The following PHF20 variants were observed in gnomAD, a reference collection of about 807,000 sequenced individuals.
The protein encoded by PHF20 is glioma-expressed antigen 2.
PHF20 carries 23 observed loss-of-function variants against 113.5 expected under a neutral mutation model. The ratio of observed to expected loss-of-function variants is 0.20; its 90% confidence interval spans 0.15 to 0.29. The LOEUF is 0.29. Among genes scored for constraint, PHF20 ranks in the 10% least tolerant of loss-of-function variants. The pLI is 1.00. For missense variants in PHF20, 943 were observed against 1,219.6 expected, an observed-to-expected ratio of 0.77 and a Z score of 3.38; for synonymous variants, 434 against 457.3, an observed-to-expected ratio of 0.95 and a Z score of 0.65.
intron 9 of PHF20, among the ~76,000 whole-genome samples, chr20:35,898,724 C>T (rs1437971217): frequency 6.6e-6 from 1 of 152,238 alleles, no homozygotes; most frequent in African/African-American, 2.4e-5. Flanking sequence ...AATTCTCCTG[C>T]CTCAGCCTCC....
chr20:35,874,400 C>T (rs1354847514), intron 9 of PHF20, among the ~76,000 whole-genome samples: 2 of 152,158 alleles, frequency 1.3e-5, no homozygotes, highest in African/African-American at 2.4e-5. Flanking sequence ...TTTATTTCTT[C>T]GAAGATTTCT....
intron 1 of PHF20, among the ~76,000 whole-genome samples, chr20:35,784,057 GTTT>G (rs1210870889): frequency 7.2e-6 from 1 of 139,672 alleles, no homozygotes. Context: ...TTGTTTGTGT[GTTT>G]TTTTTTTTTT....
chr20:35,948,478 A>G lies in PHF20; in HGVS notation c.*851A>G, dbSNP rs2056124322. 1 of 152,650 alleles carries G rather than the reference A, an allele frequency of 6.6e-6. No homozygotes were observed. Among genetic ancestry groups the G allele is most frequent in the Non-Finnish European group, 1.5e-5 (1 of 68,044 alleles). 9.5% of individuals were successfully genotyped at this position (152,650 alleles called of 1,614,324 possible). A position where few individuals can be genotyped will look rare whatever the true frequency, so the allele number is the denominator to read the frequency against. ...TCTTTCACTGTAAAGATTTGTTACA[A>G]AGAATGTGGTTTGGGGAATTACCTT... On this transcript the variant is annotated 3_prime_UTR_variant, in exon 18 of 18. Coordinates refer to ENST00000374012, the MANE Select transcript of PHF20 (RefSeq NM_016436.5).
intron 14 of PHF20, among the ~76,000 whole-genome samples, chr20:35,929,824 T>TG: frequency 6.6e-6 from 1 of 152,364 alleles, no homozygotes; most frequent in Middle Eastern, 3.4e-3. Flanking sequence ...TGCAGAGGGC[T>TG]GGACCAAAAG....
chr20:35,845,428 C>A, intron 3 of PHF20: 2 of 392,798 alleles, frequency 5.1e-6, no homozygotes, highest in South Asian at 1.8e-5. Context: ...TGCAGTGGTG[C>A]AGTCTTGGCT....
At chr20:35,802,878 G>T (rs1375825485) in intron 2 of PHF20, among the ~76,000 whole-genome samples, 2 of 149,494 alleles carry the variant, frequency 1.3e-5, no homozygotes, top group African/African-American at 5.0e-5. Context: ...GGTGGAGGTT[G>T]CAGTGAGCCG....
At chr20:35,931,765 A>G (rs1283714829) in intron 15 of PHF20, among the ~76,000 whole-genome samples, 1 of 152,038 alleles carries the variant, frequency 6.6e-6, no homozygotes, top group Non-Finnish European at 1.5e-5. Flanking sequence ...AGCCTGACCA[A>G]CATGGTGAAA....
intron 9 of PHF20, among the ~76,000 whole-genome samples, chr20:35,889,009 CT>C (rs566960589): frequency 0.017 from 1,686 of 99,080 alleles, no homozygotes; most frequent in Non-Finnish European, 0.028. Context: ...CTCTTAGTTT[CT>C]TTTTTTTTTT....
intron 2 of PHF20, among the ~76,000 whole-genome samples, chr20:35,823,619 C>T (rs1484485382): frequency 6.9e-5 from 8 of 116,658 alleles, no homozygotes; most frequent in African/African-American, 2.8e-4. Context: ...TGTGATAGAG[C>T]GAGACCCTGT....
intron 12 of PHF20, among the ~76,000 whole-genome samples, chr20:35,914,430 T>C (rs972626820): frequency 3.9e-5 from 6 of 152,180 alleles, no homozygotes; most frequent in African/African-American, 1.4e-4. Context: ...AATTGGAAAA[T>C]ATTGTTGTGT....
chr20:35,918,156 G>T (rs1203951087), intron 13 of PHF20, among the ~76,000 whole-genome samples: 1 of 152,022 alleles, frequency 6.6e-6, no homozygotes, highest in East Asian at 1.9e-4. Context: ...TGGTGGGTGG[G>T]ACCTCCTTAC....
In PHF20 at chr20:35,843,543, A is replaced by T. The variant is rs898673049; in HGVS notation, c.255+799A>T. 6.1e-5 allele frequency among the ~76,000 whole-genome samples: 9 copies of T among 148,752 alleles called. No individual in the cohort carries two copies. The East Asian group carries it at 1.8e-3, about 30-fold the overall frequency. On this transcript the variant is annotated intron_variant, in intron 3 of 17. Transcript: ENST00000374012. ...TCTCAAAAAAAAAAAAAAAAAAAAA[A>T]GTGATCATTCCATGTAGAACGTTGT...
At chr20:35,795,352 ACCCTCCTGAG>A (rs2041646432) in intron 1 of PHF20, among the ~76,000 whole-genome samples, 1 of 151,606 alleles carries the variant, frequency 6.6e-6, no homozygotes, top group Non-Finnish European at 1.5e-5. Context: ...CTTCTGCCTC[ACCCTCCTGAG>A]TAGCTGGGAT....
At position 35,919,119 on chromosome 20, in the gene PHF20, C is replaced by T. The variant is rs571001001; in HGVS notation, c.2004+1457C>T. Among the ~76,000 whole-genome samples the T allele has an allele frequency of 2.0e-5, 3 of 151,704 alleles. No homozygotes were observed. The South Asian group carries it at 6.2e-4, about 32-fold the overall frequency. ...CCACCCTCTGCCTCCCAGGTTCAAGCGATTCGCCTGCCTCCACTGCCCGAG... is the reference window on the plus strand; with the variant it reads ...CCACCCTCTGCCTCCCAGGTTCAAGTGATTCGCCTGCCTCCACTGCCCGAG... On this transcript the variant is annotated intron_variant, in intron 13 of 17. Transcript: ENST00000374012.
At chr20:35,829,716 C>T (rs1029479174) in intron 2 of PHF20, among the ~76,000 whole-genome samples, 8 of 151,536 alleles carry the variant, frequency 5.3e-5, no homozygotes, top group African/African-American at 1.9e-4. Context: ...TGGCCTTAGC[C>T]GTGCGCCATG....
At position 35,863,304 on chromosome 20, in the gene PHF20, G is replaced by A. The variant is rs1312502087; in HGVS notation, c.712G>A (p.Asp238Asn). 8.7e-6 allele frequency: 14 copies of A among 1,613,960 alleles called. No homozygotes were observed. The African/African-American group carries it at 1.3e-4, about 15-fold the overall frequency. The change falls in exon 6 of 18, where the codon GAT (aspartate) becomes AAT (asparagine). Residue 238 changes from aspartate to asparagine, a missense_variant. Transcript: ENST00000374012. The part of the protein sequence containing the change: ...DREYSGDAQV[D>N]KKPENDIVKS... ...AGAGTATTCTGGAGATGCCCAAGTGGATAAGAAACCTGAAAATGACATTGT... is the reference window on the plus strand; with the variant it reads ...AGAGTATTCTGGAGATGCCCAAGTGAATAAGAAACCTGAAAATGACATTGT...
At chr20:35,875,223 C>T (rs917368695) in intron 9 of PHF20, among the ~76,000 whole-genome samples, 1 of 152,032 alleles carries the variant, frequency 6.6e-6, no homozygotes, top group African/African-American at 2.4e-5. Flanking sequence ...CATGGTGAAA[C>T]CCCGTCTCTA....
intron 1 of PHF20, 36 bp downstream of exon 1, chr20:35,772,115 C>G (rs1265260534): frequency 6.7e-6 from 1 of 149,550 alleles, no homozygotes; most frequent in Non-Finnish European, 1.5e-5. Context: ...GCCGGCCGGG[C>G]CGGGTTGGGC....
At chr20:35,900,812 G>C (rs1306742441) in intron 10 of PHF20, among the ~76,000 whole-genome samples, 1 of 152,172 alleles carries the variant, frequency 6.6e-6, no homozygotes, top group Non-Finnish European at 1.5e-5. Context: ...ACTCCAGCCT[G>C]GGCGACTGAG....
Sources: allele counts gnomAD v4.1 joint callset (sites outside exome capture counted in the v4.1 genomes callset), GRCh38; gene constraint gnomAD v4.1.1; transcripts MANE v1.5; gene names NCBI Gene and HGNC (gene_info 2026-07-23, HGNC 2026-07-21).